Variants in UGGT1 observed in about 807,000 individuals in gnomAD.
UGGT1 encodes the protein UDP-glucose:glycoprotein glucosyltransferase 1.
UGGT1 carries 107 observed loss-of-function variants against 203.9 expected under a neutral mutation model. The ratio of observed to expected loss-of-function variants is 0.52; its 90% CI spans 0.45 to 0.62. The LOEUF (loss-of-function observed/expected upper bound fraction) is 0.62. Ranked by LOEUF, UGGT1 falls within the 20% of genes least tolerant of loss-of-function variation. The pLI is 0.00. For missense variants in UGGT1, 1,673 were observed against 1,867.2 expected (o/e 0.90, Z 1.92); for synonymous variants, 628 against 653.5 (o/e 0.96, Z 0.59).
intron 34 of UGGT1, 58 bp from the exon 35 acceptor site, chr2:128,179,728 A>C: frequency 2.1e-6 from 3 of 1,436,046 alleles, no homozygotes; most frequent in Non-Finnish European, 2.9e-6. Context: ...ACTCTACATA[A>C]TGTTGAGGTT....
chr2:128,120,741 A>G (rs989215507), intron 9 of UGGT1, among the ~76,000 whole-genome samples: 5 of 152,204 alleles, frequency 3.3e-5, no homozygotes, highest in African/African-American at 9.6e-5. Flanking sequence ...AAGTTCCTAT[A>G]TATATACATT....
rs143054428 is a variant in UGGT1, at chr2:128,158,113, T to A, written c.2355+767T>A. Among the ~76,000 whole-genome samples the A allele has an allele frequency of 2.9e-3, 442 of 152,352 alleles. 1 individual carries two copies. The highest frequency in any genetic ancestry group is 4.7e-3 in the Non-Finnish European group (321 of 68,034). On this transcript the variant is annotated intron_variant, in intron 22 of 40. Transcript: ENST00000259253. Reference sequence around the variant, plus strand: ...CAATTTGAAGTTAGAACAGGGCAGTTCTAGCTAAGGGCGATAGTTATATGT... The same window carrying A: ...CAATTTGAAGTTAGAACAGGGCAGTACTAGCTAAGGGCGATAGTTATATGT...
intron 3 of UGGT1, among the ~76,000 whole-genome samples, chr2:128,106,830 A>G (rs942150989): frequency 5.9e-5 from 9 of 152,230 alleles, no homozygotes. Context: ...GATTACAGGC[A>G]TGAGCCACCG....
intron 11 of UGGT1, among the ~76,000 whole-genome samples, chr2:128,124,699 A>C (rs1040253876): frequency 4.1e-5 from 6 of 145,606 alleles, no homozygotes; most frequent in East Asian, 2.0e-4. Flanking sequence ...AAAAAAAAAA[A>C]CACTTTCTGG....
rs1175952192 is a variant in UGGT1, at chr2:128,091,308, C to T, written c.-50C>T. The stretch of plus-strand genomic sequence containing the variant: ...ACTGCCGCTGCCGCCTCGCCCCGCC[C>T]TGCCCTGGCGTTGTCTCTGGCACTG... On this transcript the variant is annotated 5_prime_UTR_variant, in exon 1 of 41. Transcript: ENST00000259253. 1.3e-6 allele frequency: 2 copies of T among 1,504,004 alleles called. No homozygotes were observed. The highest frequency in any genetic ancestry group is 8.9e-7 in the Non-Finnish European group (1 of 1,123,128). 93.2% of individuals were successfully genotyped at this position (1,504,004 alleles called of 1,614,324 possible). A position where few individuals can be genotyped will look rare whatever the true frequency, so the allele number is the denominator to read the frequency against.
chr2:128,107,889 A>AT (rs1451739574), intron 3 of UGGT1, 49 bp from the exon 4 acceptor site: 1 of 1,610,270 alleles, frequency 6.2e-7, no homozygotes, highest in Admixed American at 1.7e-5. Flanking sequence ...TCTTCTTTAG[A>AT]TATCTCTAGT....
rs1691604288 is a variant in UGGT1 at position 128,179,970 on chromosome 2, C to T, written c.3900+100C>T. The stretch of plus-strand genomic sequence containing the variant: ...TATCTGTATACTTTAGCAAATTTTC[C>T]ATTTACTAAGATACCCTAATTTGGT... On this transcript the variant is annotated intron_variant, in intron 35 of 40. Coordinates refer to ENST00000259253, the MANE Select transcript of UGGT1 (RefSeq NM_020120.4). The T allele has an allele frequency of 2.9e-6, 3 of 1,039,068 alleles. No individual in the cohort carries two copies. In the South Asian group the frequency reaches 4.8e-5, roughly 17 times the overall value. The allele number at this position is 1,039,068 out of a possible 1,614,324, so 64.4% of individuals were successfully genotyped here.
intron 2 of UGGT1, among the ~76,000 whole-genome samples, chr2:128,098,704 A>G (rs994609369): frequency 6.6e-6 from 1 of 151,132 alleles, no homozygotes; most frequent in Non-Finnish European, 1.5e-5. Flanking sequence ...AGCCCAGATC[A>G]CGCCATTGCA....
intron 40 of UGGT1, 31 bp downstream of exon 40, chr2:128,187,645 A>G (rs1692052273): frequency 5.8e-6 from 9 of 1,561,810 alleles, no homozygotes; most frequent in African/African-American, 1.4e-5. Context: ...TTAGGACAGT[A>G]CTTCTTTCCA....
Position 128,176,805 on chromosome 2 carries a change from C to T in UGGT1, c.3540-9C>T, listed in dbSNP as rs972748800. On this transcript the variant is annotated splice_polypyrimidine_tract_variant and intron_variant, in intron 31 of 40. Transcript: ENST00000259253. ...GCCTTGTAATATTGATCTTTCTTTT[C>T]TCGCAAAGCCACGATGGCACTGATT... 7 of 1,612,958 alleles carry T rather than the reference C, an allele frequency of 4.3e-6. No homozygotes were observed. The African/African-American group carries it at 9.4e-5, about 22-fold the overall frequency.
At chr2:128,171,469 C>A in intron 28 of UGGT1, 185 bp downstream of exon 28, 1 of 581,018 alleles carries the variant, frequency 1.7e-6, no homozygotes, top group Non-Finnish European at 3.0e-6. Flanking sequence ...GTGTTTGTAG[C>A]ATTTAGGTGG....
At position 128,170,201 on chromosome 2, in the gene UGGT1, C is replaced by T. The variant is rs1691021561; in HGVS notation, c.2922-87C>T. 8.6e-6 allele frequency: 9 copies of T among 1,045,290 alleles called. No homozygotes were observed. The South Asian group carries it at 1.3e-4, about 15-fold the overall frequency. The allele number at this position is 1,045,290 out of a possible 1,614,324, so 64.8% of individuals were successfully genotyped here. A position where few individuals can be genotyped will look rare whatever the true frequency, so the allele number is the denominator to read the frequency against. On this transcript the variant is annotated intron_variant, in intron 26 of 40. Coordinates refer to ENST00000259253, the MANE Select transcript of UGGT1 (RefSeq NM_020120.4). ...TCTAGATCTAAAGTTCTTTGAAATG[C>T]TAAGAAGGTTGAAGGTTATATTGTA...
rs1688366403 is a variant in UGGT1 at position 128,121,235 on chromosome 2, C to G, written c.1010C>G (p.Ser337Cys). Residue 337 changes from serine (S) to cysteine (C), a missense_variant, in exon 10 of 41, where the codon TCT (serine) becomes TGT (cysteine). By Grantham distance (112) the Ser-to-Cys change is moderately radical (BLOSUM62 -1). Transcript: ENST00000259253. ...SFQTAARILASPVELALVVMK... is the reference protein window; with the variant it reads ...SFQTAARILACPVELALVVMK... ...CAGACTGCTGCTCGAATCTTGGCTT[C>G]TCCTGTTGAGTTGGCTTTGGTTGTC... is the stretch of plus-strand genomic sequence containing the variant. The G allele has an allele frequency of 1.2e-6, 2 of 1,613,680 alleles. No individual in the cohort carries two copies. Among genetic ancestry groups the G allele is most frequent in the Non-Finnish European group, 1.7e-6 (2 of 1,179,964 alleles).
chr2:128,100,017 A>AAC (rs1458546150), intron 2 of UGGT1, among the ~76,000 whole-genome samples: 4 of 18,188 alleles, frequency 2.2e-4, no homozygotes, highest in South Asian at 2.2e-3. Flanking sequence ...TGAGATTTAC[A>AAC]ACCCCCCCCC....
At chr2:128,130,118 G>A (rs769593737) in intron 13 of UGGT1, among the ~76,000 whole-genome samples, 13 of 151,986 alleles carry the variant, frequency 8.6e-5, no homozygotes, top group Non-Finnish European at 1.3e-4. Context: ...AAAATTAGCC[G>A]GGTGTGGTGG....
At chr2:128,102,160 G>A (rs1193879689) in intron 2 of UGGT1, among the ~76,000 whole-genome samples, 2 of 133,934 alleles carry the variant, frequency 1.5e-5, no homozygotes, top group South Asian at 4.6e-4. Context: ...TTTTTTTTTT[G>A]GGATGGAGTT....
intron 4 of UGGT1, among the ~76,000 whole-genome samples, chr2:128,108,313 A>T (rs1451084497): frequency 1.3e-5 from 2 of 152,220 alleles, no homozygotes; most frequent in Non-Finnish European, 2.9e-5. Flanking sequence ...TATGCATTGC[A>T]GCCTGGGAGA....
At position 128,179,843 on chromosome 2, in the gene UGGT1, G is replaced by A; in HGVS notation, c.3873G>A (p.Leu1291=). ...NTKTPVKFWF[L]KNYLSPTFKE... ...AGACTCCTGTGAAATTCTGGTTCTT[G>A]AAGAATTACTTGTCCCCCACATTTA... Residue 1291 remains leucine (L), a synonymous_variant, in exon 35 of 41, where the codon TTG becomes TTA. Coordinates refer to ENST00000259253, the MANE Select transcript of UGGT1 (RefSeq NM_020120.4). The A allele has an allele frequency of 6.2e-7, 1 of 1,613,968 alleles. No homozygotes were observed. Among genetic ancestry groups the A allele is most frequent in the Non-Finnish European group, 8.5e-7 (1 of 1,179,942 alleles).
In UGGT1 at chr2:128,172,682, C is replaced by A. The variant is rs1411293004; in HGVS notation, c.3214C>A (p.Leu1072Met). 6 of 1,614,128 alleles carry A rather than the reference C, an allele frequency of 3.7e-6. No individual in the cohort carries two copies. The highest frequency in any genetic ancestry group is 5.1e-6 in the Non-Finnish European group (6 of 1,180,016). The change falls in exon 29 of 41, where the codon CTG becomes ATG. Residue 1072 changes from leucine (L) to methionine (M), a missense_variant. Leu to Met is a conservative substitution (Grantham distance 15). Coordinates refer to ENST00000259253, the MANE Select transcript of UGGT1 (RefSeq NM_020120.4). ...TATGCCTCAGTCTCCACTGTTCACTCTGAATTTGAACACACCTGAGAGCTG... is the reference window on the plus strand; with the variant it reads ...TATGCCTCAGTCTCCACTGTTCACTATGAATTTGAACACACCTGAGAGCTG... ...LDMPQSPLFT[L>M]NLNTPESWMV...
Sources: gnomAD v4.1 joint callset for allele counts (sites outside exome capture counted in the v4.1 genomes callset) on GRCh38, gnomAD v4.1.1 for gene constraint, MANE v1.5 for transcripts, NCBI Gene and HGNC (gene_info 2026-07-23, HGNC 2026-07-21) for gene names.